GRK5: variants seen among roughly 807,000 people sequenced by gnomAD.
GRK5 encodes G protein-coupled receptor kinase 5.
In GRK5, 40 loss-of-function variants were observed where a neutral mutation model predicts 78.4. That is an observed-to-expected ratio of 0.51 (90% CI 0.40 to 0.66). GRK5 has a LOEUF of 0.66. GRK5 is among the 30% of genes least tolerant of loss of function. The pLI, the probability that GRK5 is intolerant of heterozygous loss-of-function variation, is 0.00. For synonymous variants in GRK5, 289 were observed against 296.8 expected (o/e 0.97, Z 0.27); for missense variants, 598 against 759.9 (o/e 0.79, Z 2.50).
At position 119,457,777 on chromosome 10, in the gene GRK5, C is replaced by G. The variant is rs1171377339; in HGVS notation, c.*2710C>G. ...TTCTGGCTCACTGCAGCCTCAAACT[C>G]CTGAGTCCAAGCTATCCTCCTGCCT... On this transcript the variant is annotated 3_prime_UTR_variant, in exon 16 of 16. Coordinates refer to ENST00000392870, the MANE Select transcript of GRK5 (RefSeq NM_005308.3). The G allele has an allele frequency of 6.6e-6, 1 of 150,724 alleles. No individual in the cohort carries two copies. Among genetic ancestry groups the G allele is most frequent in the Non-Finnish European group, 1.5e-5 (1 of 67,908 alleles). The allele number at this position is 150,724 out of a possible 1,614,324, so 9.3% of individuals were successfully genotyped here.
chr10:119,285,848 T>C (rs141398125), intron 1 of GRK5, among the ~76,000 whole-genome samples: 1 of 152,288 alleles, frequency 6.6e-6, no homozygotes, highest in East Asian at 1.9e-4. Context: ...GAAGGACCCC[T>C]GTGATCAAGG....
chr10:119,437,286 A>G lies in GRK5; in HGVS notation c.929+445A>G, dbSNP rs536975962. Among the ~76,000 whole-genome samples the G allele has an allele frequency of 2.0e-5, 3 of 152,198 alleles. No individual in the cohort carries two copies. In the East Asian group the frequency reaches 5.8e-4, roughly 29 times the overall value. ...TCGGAGTGGCCCATGGTCCCACTCC[A>G]TGCTGTCCTCAGCTTGCTCTGGTCT... On this transcript the variant is annotated intron_variant, in intron 9 of 15. Transcript: ENST00000392870.
At chr10:119,315,183 C>A (rs982443618) in intron 1 of GRK5, among the ~76,000 whole-genome samples, 2 of 152,212 alleles carry the variant, frequency 1.3e-5, no homozygotes, top group Non-Finnish European at 2.9e-5. Flanking sequence ...GGGCCTGTCT[C>A]CCTTTCACAG....
At chr10:119,443,000 T>C (rs959904970) in intron 11 of GRK5, among the ~76,000 whole-genome samples, 1 of 152,224 alleles carries the variant, frequency 6.6e-6, no homozygotes, top group African/African-American at 2.4e-5. Flanking sequence ...GAGTGTTCCA[T>C]GCATCTGTCT....
intron 2 of GRK5, among the ~76,000 whole-genome samples, chr10:119,337,744 C>T (rs893132776): frequency 2.0e-5 from 3 of 151,890 alleles, no homozygotes; most frequent in Non-Finnish European, 2.9e-5. Flanking sequence ...CTCAGCCTCT[C>T]GAGTAGCTGG....
chr10:119,252,624 C>G (rs1196983032), intron 1 of GRK5, among the ~76,000 whole-genome samples: 1 of 152,140 alleles, frequency 6.6e-6, no homozygotes, highest in African/African-American at 2.4e-5. Context: ...AAGCTGACTT[C>G]CAACTAGAAC....
chr10:119,334,385 G>C (rs142475710), intron 2 of GRK5: 1 of 155,598 alleles, frequency 6.4e-6, no homozygotes, highest in African/African-American at 2.4e-5. Flanking sequence ...ATGAACTAAC[G>C]GATTTTCAAC....
intron 4 of GRK5, among the ~76,000 whole-genome samples, chr10:119,418,822 C>T (rs1589799495): frequency 6.6e-6 from 1 of 152,306 alleles, no homozygotes; most frequent in South Asian, 2.1e-4. Context: ...ACCCCTGGGG[C>T]AATTTTACCA....
rs138318749 is a variant in GRK5 at position 119,441,264 on chromosome 10, C to T, written c.968-735C>T. ...ACACGGCTCCAGCCTGGCGGGGTCT[C>T]GACACTGGCCCTTGCTGACATCTAG... On this transcript the variant is annotated intron_variant, in intron 10 of 15. Coordinates refer to ENST00000392870, the MANE Select transcript of GRK5 (RefSeq NM_005308.3). Among the ~76,000 whole-genome samples, 417 of 152,308 alleles carry T rather than the reference C, an allele frequency of 2.7e-3. 1 individual carries two copies. Among genetic ancestry groups the T allele is most frequent in the African/African-American group, 9.5e-3 (393 of 41,574 alleles).
intron 1 of GRK5, among the ~76,000 whole-genome samples, chr10:119,273,425 G>A (rs923848118): frequency 5.3e-5 from 8 of 152,210 alleles, no homozygotes; most frequent in Non-Finnish European, 7.3e-5. Flanking sequence ...TGCAGGCTAC[G>A]TGTGACGTTT....
At chr10:119,252,590 C>T (rs1011620866) in intron 1 of GRK5, among the ~76,000 whole-genome samples, 4 of 152,178 alleles carry the variant, frequency 2.6e-5, no homozygotes, top group South Asian at 4.1e-4. Context: ...TAGTGTCTTC[C>T]TTCTGGTCCT....
In GRK5 at chr10:119,267,175, G is replaced by T. The variant is rs1230673214; in HGVS notation, c.52+59206G>T. Among the ~76,000 whole-genome samples the T allele has an allele frequency of 6.6e-6, 1 of 151,450 alleles. No individual in the cohort carries two copies. Among genetic ancestry groups the T allele is most frequent in the South Asian group, 2.1e-4 (1 of 4,784 alleles). Reference sequence around the variant, plus strand: ...GGAGAATTGCTTGAACCTGCGAGGCGGAGGTTGCAGCGAGCCGAGATCACA... The same window carrying T: ...GGAGAATTGCTTGAACCTGCGAGGCTGAGGTTGCAGCGAGCCGAGATCACA... On this transcript the variant is annotated intron_variant, in intron 1 of 15. Coordinates refer to ENST00000392870, the MANE Select transcript of GRK5 (RefSeq NM_005308.3). This position sits in a 1 kb window ranked among gnomAD's most constrained non-coding sequence, Gnocchi z 4.1.
At chr10:119,283,050 TCA>T (rs1250084592) in intron 1 of GRK5, among the ~76,000 whole-genome samples, 1 of 152,198 alleles carries the variant, frequency 6.6e-6, no homozygotes, top group Non-Finnish European at 1.5e-5. Context: ...TGGCCTGCTT[TCA>T]GTTTTTTGGT....
intron 1 of GRK5, among the ~76,000 whole-genome samples, chr10:119,288,455 G>T (rs776954139): frequency 4.6e-5 from 7 of 152,164 alleles, no homozygotes; most frequent in Non-Finnish European, 1.0e-4. Context: ...GGTGGCCTCC[G>T]AGCCCTGCTT....
chr10:119,452,286 C>G lies in GRK5; in HGVS notation c.1405-385C>G, dbSNP rs946275907. 3.3e-5 allele frequency among the ~76,000 whole-genome samples: 5 copies of G among 152,180 alleles called. No individual in the cohort carries two copies. Among genetic ancestry groups the G allele is most frequent in the Admixed American group, 2.6e-4 (4 of 15,274 alleles). On this transcript the variant is annotated intron_variant, in intron 13 of 15. Transcript: ENST00000392870. The surrounding 1 kb of genome is among the most constrained non-coding windows in gnomAD (Gnocchi z 4.4). ...AAGCCCCACAGCTGGGACTCTAGCC[C>G]ACGTCTGTCCAGTATGGGTAAGGGA...
chr10:119,252,489 T>C (rs1320859059), intron 1 of GRK5, among the ~76,000 whole-genome samples: 1 of 152,050 alleles, frequency 6.6e-6, no homozygotes, highest in African/African-American at 2.4e-5. Context: ...AGGGCTACGC[T>C]GGAGAGGCGG....
chr10:119,260,672 T>C (rs1374073965), intron 1 of GRK5, among the ~76,000 whole-genome samples: 1 of 151,870 alleles, frequency 6.6e-6, no homozygotes, highest in Non-Finnish European at 1.5e-5. Context: ...CCTTAATCCA[T>C]TTAACTCTGA....
chr10:119,361,960 CAAAAAAAAAAAAAAAAAA>C (rs71016566), intron 2 of GRK5, among the ~76,000 whole-genome samples: 1 of 85,656 alleles, frequency 1.2e-5, no homozygotes, highest in Non-Finnish European at 2.4e-5. Context: ...GACTCTATCT[CAAAAAAAAAAAAAAAAAA>C]AAAAAAAAAA....
chr10:119,290,346 C>CAAA (rs1220792004), intron 1 of GRK5, among the ~76,000 whole-genome samples: 396 of 39,318 alleles, frequency 0.01, 21 homozygotes, highest in East Asian at 0.027. Flanking sequence ...GATTCCGTCT[C>CAAA]AAAAAAAAAA....
Sources: allele counts gnomAD v4.1 joint callset (sites outside exome capture counted in the v4.1 genomes callset), GRCh38; gene constraint gnomAD v4.1.1; non-coding constraint Gnocchi (gnomAD v3.1); transcripts MANE v1.5; gene names NCBI Gene and HGNC (gene_info 2026-07-23, HGNC 2026-07-21).